The following RBM25 variants were observed in gnomAD, a reference collection of about 807,000 sequenced individuals.
The protein encoded by RBM25 is RNA-binding protein 25.
Under a neutral mutation model 120.7 loss-of-function variants are expected in RBM25, and 19 were observed. The ratio of observed to expected loss-of-function variants is 0.16; its 90% CI spans 0.11 to 0.23. RBM25 has a LOEUF of 0.23. Ranked by LOEUF, RBM25 falls within the 10% of genes least tolerant of loss-of-function variation. The pLI, the probability that RBM25 is intolerant of heterozygous loss-of-function variation, is 1.00. For missense variants in RBM25, 605 were observed against 1,041.5 expected (o/e 0.58, Z 5.77); for synonymous variants, 390 against 326.7 (o/e 1.19, Z -2.09).
intron 6 of RBM25, among the ~76,000 whole-genome samples, chr14:73,092,610 A>C (rs12586654): frequency 0.074 from 11,014 of 149,374 alleles, 416 homozygotes; most frequent in Non-Finnish European, 0.09. Flanking sequence ...TTTAGGGTAC[A>C]TGTTCACCAC....
At chr14:73,072,878 G>A (rs1406904843) in intron 2 of RBM25, among the ~76,000 whole-genome samples, 1 of 152,102 alleles carries the variant, frequency 6.6e-6, no homozygotes, top group East Asian at 1.9e-4. Context: ...TGTATGTTAC[G>A]GGGGTTGTAT....
At chr14:73,109,749 C>T (rs1454277564) in intron 14 of RBM25, among the ~76,000 whole-genome samples, 2 of 151,990 alleles carry the variant, frequency 1.3e-5, no homozygotes, top group East Asian at 1.9e-4. Flanking sequence ...GCCGAGATCG[C>T]GCCACTGCAC....
At chr14:73,082,961 TC>T (rs1895599724) in intron 4 of RBM25, among the ~76,000 whole-genome samples, 1 of 151,262 alleles carries the variant, frequency 6.6e-6, no homozygotes, top group Admixed American at 6.6e-5. Context: ...CTGCATGTAG[TC>T]CCAGCTACTT....
At chr14:73,117,205 CTTTTCTTTTTTTTTTTTTTTTT>C (rs1388903005) in intron 18 of RBM25, among the ~76,000 whole-genome samples, 1 of 36,564 alleles carries the variant, frequency 2.7e-5, no homozygotes, top group African/African-American at 1.0e-4. Context: ...TTTCTTTCTT[CTTTTCTTTTTTTTTTTTTTTTT>C]TTTTTTTTTT....
intron 4 of RBM25, among the ~76,000 whole-genome samples, chr14:73,082,702 T>C (rs956145686): frequency 6.6e-6 from 1 of 152,118 alleles, no homozygotes; most frequent in Admixed American, 6.6e-5. Context: ...ATAGTTAGAG[T>C]CTTGCTGTGT....
At chr14:73,113,863 C>T (rs954359587) in intron 17 of RBM25, among the ~76,000 whole-genome samples, 1 of 152,158 alleles carries the variant, frequency 6.6e-6, no homozygotes, top group Non-Finnish European at 1.5e-5. Flanking sequence ...CTCTTAACCA[C>T]TAAGGTATAT....
rs751928947 is a variant in RBM25, at chr14:73,105,920, G to C, written c.1216G>C (p.Glu406Gln). The C allele has an allele frequency of 9.9e-5, 160 of 1,612,258 alleles. No individual in the cohort carries two copies. Among genetic ancestry groups the C allele is most frequent in the Non-Finnish European group, 1.3e-4 (158 of 1,178,926 alleles). Residue 406 changes from glutamate (E) to glutamine (Q), a missense_variant, in exon 11 of 19, where the codon GAG (glutamate) becomes CAG (glutamine). Transcript: ENST00000261973. ...ERERERERER[E>Q]RERERERERE... is the part of the protein sequence containing the mutation. ...GGAAAGAGAGAGAGAGAGAGAACGA[G>C]AGCGAGAACGAGAACGGGAGCGAGA...
chr14:73,103,153 T>G, intron 9 of RBM25, 39 bp from the exon 10 acceptor site: 3 of 1,584,524 alleles, frequency 1.9e-6, no homozygotes, highest in Non-Finnish European at 2.6e-6. Flanking sequence ...ATACTGGAGC[T>G]ACAGAGTTAA....
intron 18 of RBM25, among the ~76,000 whole-genome samples, chr14:73,118,098 C>T (rs1389482285): frequency 6.6e-6 from 1 of 152,218 alleles, no homozygotes; most frequent in East Asian, 1.9e-4. Context: ...ATTGTGTTTA[C>T]TGTATTCTGG....
chr14:73,081,313 T>C (rs1418423520), intron 4 of RBM25, among the ~76,000 whole-genome samples: 1 of 152,102 alleles, frequency 6.6e-6, no homozygotes, highest in African/African-American at 2.4e-5. Context: ...AATTTTTGTA[T>C]TTTTAGTAGA....
At chr14:73,079,527 G>T (rs533107920) in intron 4 of RBM25, among the ~76,000 whole-genome samples, 2 of 150,682 alleles carry the variant, frequency 1.3e-5, no homozygotes, top group African/African-American at 4.8e-5. Context: ...TAGGTTCTCT[G>T]TAAGGACAGG....
chr14:73,103,120 G>A (rs1896086821), intron 9 of RBM25, 72 bp from the exon 10 acceptor site: 3 of 1,547,212 alleles, frequency 1.9e-6, no homozygotes, highest in African/African-American at 1.4e-5. Context: ...CCAGTACTGG[G>A]CTTTGCGCCG....
At chr14:73,118,363 A>C (rs988318756) in intron 18 of RBM25, among the ~76,000 whole-genome samples, 1 of 151,848 alleles carries the variant, frequency 6.6e-6, no homozygotes, top group Non-Finnish European at 1.5e-5. Flanking sequence ...CTGTAGTCCT[A>C]GCTACTGGTG....
chr14:73,100,240 A>G (rs1896031825), intron 9 of RBM25: 1 of 635,660 alleles, frequency 1.6e-6, no homozygotes, highest in Non-Finnish European at 2.9e-6. Context: ...TTTTAGATGC[A>G]TGGAAGAACT....
chr14:73,109,621 G>A (rs959075235), intron 14 of RBM25, 129 bp downstream of exon 14: 19 of 823,882 alleles, frequency 2.3e-5, no homozygotes, highest in African/African-American at 5.3e-5. Context: ...GTGAAACCCC[G>A]TCTCTATTAA....
chr14:73,089,864 G>C (rs1212803210), intron 6 of RBM25, among the ~76,000 whole-genome samples: 1 of 151,586 alleles, frequency 6.6e-6, no homozygotes, highest in African/African-American at 2.4e-5. Context: ...AAGTGAGGCT[G>C]GTCTTGAACT....
At chr14:73,095,463 G>A (rs953522392) in intron 6 of RBM25, among the ~76,000 whole-genome samples, 3 of 151,866 alleles carry the variant, frequency 2.0e-5, no homozygotes, top group Admixed American at 2.0e-4. Context: ...AAAATTAGTC[G>A]GGTGTGGTGG....
chr14:73,116,009 C>T (rs1172618937), intron 18 of RBM25, among the ~76,000 whole-genome samples: 1 of 151,896 alleles, frequency 6.6e-6, no homozygotes, highest in Non-Finnish European at 1.5e-5. Context: ...AGACTAGATA[C>T]TTGCCAGATA....
chr14:73,063,331 A>C (rs1427369591), intron 1 of RBM25, among the ~76,000 whole-genome samples: 3 of 150,818 alleles, frequency 2.0e-5, no homozygotes, highest in Non-Finnish European at 4.5e-5. Context: ...TTGTATTTTT[A>C]GTAGAGACGA....
Sources: gnomAD v4.1 joint callset for allele counts (sites outside exome capture counted in the v4.1 genomes callset) on GRCh38, gnomAD v4.1.1 for gene constraint, MANE v1.5 for transcripts, NCBI Gene and HGNC (gene_info 2026-07-23, HGNC 2026-07-21) for gene names.